MFAP3L: variants seen among roughly 807,000 people sequenced by gnomAD.
MFAP3L encodes microfibril associated protein 3 like.
In MFAP3L, 5 loss-of-function variants were observed where a neutral mutation model predicts 20.0. The observed-to-expected ratio is 0.25, with a 90% confidence interval of 0.13 to 0.53. MFAP3L has a LOEUF of 0.53. Ranked by LOEUF, MFAP3L falls within the 20% of genes least tolerant of loss-of-function variation. MFAP3L has a pLI of 0.96. For synonymous variants in MFAP3L, 219 were observed against 213.0 expected (o/e 1.03, Z -0.25); for missense variants, 409 against 527.5 (o/e 0.78, Z 2.20).
chr4:169,988,224 G>A lies in MFAP3L; in HGVS notation c.*3154C>T, dbSNP rs1317894129. 1 of 152,108 alleles carries A rather than the reference G, an allele frequency of 6.6e-6. No individual in the cohort carries two copies. Among genetic ancestry groups the A allele is most frequent in the African/African-American group, 2.4e-5 (1 of 41,408 alleles). 9.4% of individuals were successfully genotyped at this position (152,108 alleles called of 1,614,324 possible). On this transcript the variant is annotated 3_prime_UTR_variant, in exon 3 of 3. Coordinates refer to ENST00000361618, the MANE Select transcript of MFAP3L (RefSeq NM_021647.8). ...GGTATACAAAAAGATGAGGATAGAT[G>A]TGCCCTAGAGATATGAAAATATAAT... is the stretch of plus-strand genomic sequence containing the variant.
chr4:170,007,293 T>A (rs1247554042), intron 1 of MFAP3L, among the ~76,000 whole-genome samples: 3 of 152,180 alleles, frequency 2.0e-5, no homozygotes, highest in African/African-American at 7.2e-5. Flanking sequence ...CAGACTGCAA[T>A]GGCATGATAG....
chr4:169,993,712 C>G (rs569002011), intron 2 of MFAP3L: 5 of 152,056 alleles, frequency 3.3e-5, no homozygotes, highest in Admixed American at 2.6e-4. Context: ...GGGAGCCTCT[C>G]GGTGGATGCT....
At chr4:170,023,384 G>A (rs1192613972) in intron 1 of MFAP3L, among the ~76,000 whole-genome samples, 1 of 152,160 alleles carries the variant, frequency 6.6e-6, no homozygotes, top group Non-Finnish European at 1.5e-5. Flanking sequence ...GGAAGCAGAG[G>A]CAAGACCAAT....
chr4:170,006,112 A>C, intron 1 of MFAP3L, 102 bp from the exon 2 acceptor site: 17 of 877,952 alleles, frequency 1.9e-5, no homozygotes, highest in Admixed American at 3.7e-5. Context: ...AAACATCAAC[A>C]TACTTTTTTT....
chr4:170,017,512 A>G (rs1258768414), intron 1 of MFAP3L, among the ~76,000 whole-genome samples: 1 of 152,188 alleles, frequency 6.6e-6, no homozygotes, highest in Admixed American at 6.5e-5. Context: ...CCAAGCCACC[A>G]ACACTGCAGG....
At position 169,992,059 on chromosome 4, in the gene MFAP3L, C is replaced by T. The variant is rs1737748852; in HGVS notation, c.549G>A (p.Glu183=). Reference sequence around the variant, plus strand: ...TCCTAAAGAACTCATTGATGGCCTTCTCAGTCTTCTTTAGATGGCTGCTCA... The same window carrying T: ...TCCTAAAGAACTCATTGATGGCCTTTTCAGTCTTCTTTAGATGGCTGCTCA... ...CMMSSHLKKT[E]KAINEFFRTE... Residue 183 remains glutamate (E), a synonymous_variant, in exon 3 of 3, where the codon GAG becomes GAA. Transcript: ENST00000361618. The surrounding 1 kb of genome is among the most constrained non-coding windows in gnomAD (Gnocchi z 4.3). The T allele has an allele frequency of 3.1e-6, 5 of 1,614,040 alleles. No homozygotes were observed. The highest frequency in any genetic ancestry group is 1.6e-4 in the Middle Eastern group (1 of 6,084).
At chr4:170,020,710 A>G (rs1047942412) in intron 1 of MFAP3L, among the ~76,000 whole-genome samples, 1 of 143,994 alleles carries the variant, frequency 6.9e-6, no homozygotes, top group East Asian at 2.1e-4. Context: ...TCTTTCCTCA[A>G]CTCCCAGTAG....
Position 169,991,225 on chromosome 4 carries a change from C to A in MFAP3L, c.*153G>T. 1 of 770,500 alleles carries A rather than the reference C, an allele frequency of 1.3e-6. No homozygotes were observed. Among genetic ancestry groups the A allele is most frequent in the South Asian group, 1.9e-5 (1 of 53,728 alleles). 47.7% of individuals were successfully genotyped at this position (770,500 alleles called of 1,614,324 possible). On this transcript the variant is annotated 3_prime_UTR_variant, in exon 3 of 3. Transcript: ENST00000361618. The surrounding 1 kb of genome is among the most constrained non-coding windows in gnomAD (Gnocchi z 4.9). ...ACTGGGGAAATTCCAGTCCCATTCA[C>A]TGCAGGCAGGTGTTTCTCCTTTTAA... is the stretch of plus-strand genomic sequence containing the variant.
At chr4:170,009,716 A>T (rs1437149732) in intron 1 of MFAP3L, among the ~76,000 whole-genome samples, 1 of 152,060 alleles carries the variant, frequency 6.6e-6, no homozygotes, top group Admixed American at 6.6e-5. Flanking sequence ...CTTTATTTTG[A>T]CCCCTTCCCT....
intron 1 of MFAP3L, among the ~76,000 whole-genome samples, chr4:170,007,641 T>C (rs944436674): frequency 6.6e-6 from 1 of 152,244 alleles, no homozygotes; most frequent in Non-Finnish European, 1.5e-5. Flanking sequence ...AGCCAGATCT[T>C]GAGTTTTGCT....
At chr4:170,026,159 T>TCGGCCGCCGACC in intron 1 of MFAP3L, 75 bp downstream of exon 1, 1 of 896,960 alleles carries the variant, frequency 1.1e-6, no homozygotes, top group Non-Finnish European at 1.3e-6. Context: ...CGGCGCCGAC[T>TCGGCCGCCGACC]CGGCCGCCGA....
At position 169,991,768 on chromosome 4, in the gene MFAP3L, G is replaced by T; in HGVS notation, c.840C>A (p.Ala280=). ...TTGTGTAGACCTCATCCCTGTCTGC[G>T]GCCTCCTGGCCCTCTGGAGTATGCC... The part of the protein sequence containing the change: ...FVRHTPEGQE[A]ADRDEVYTIP... The change falls in exon 3 of 3, where the codon GCC becomes GCA. Residue 280 remains alanine, a synonymous_variant. Transcript: ENST00000361618. The surrounding 1 kb of genome is among the most constrained non-coding windows in gnomAD (Gnocchi z 4.9). 1 of 1,613,996 alleles carries T rather than the reference G, an allele frequency of 6.2e-7. No individual in the cohort carries two copies. The highest frequency in any genetic ancestry group is 2.2e-5 in the East Asian group (1 of 44,860).
rs1737823542 is a variant in MFAP3L, at chr4:169,992,776, C to A, written c.299-467G>T. On this transcript the variant is annotated intron_variant, in intron 2 of 2. Coordinates refer to ENST00000361618, the MANE Select transcript of MFAP3L (RefSeq NM_021647.8). This position sits in a 1 kb window ranked among gnomAD's most constrained non-coding sequence, Gnocchi z 4.3. ...TCTAACCTGCCAGTGAGCATGCCTC[C>A]ATTGAATATATGTTCACTGGGGAGG... 6.6e-6 allele frequency among the ~76,000 whole-genome samples: 1 copy of A among 152,224 alleles called. No individual in the cohort carries two copies. The highest frequency in any genetic ancestry group is 2.1e-4 in the South Asian group (1 of 4,834).
intron 1 of MFAP3L, among the ~76,000 whole-genome samples, chr4:170,007,680 T>C (rs1581497169): frequency 6.6e-6 from 1 of 152,338 alleles, no homozygotes; most frequent in East Asian, 1.9e-4. Context: ...TATAAATAAT[T>C]ATAAATGACT....
At chr4:170,008,315 C>G (rs6815551) in intron 1 of MFAP3L, among the ~76,000 whole-genome samples, 21,039 of 152,044 alleles carry the variant, frequency 0.14, 3,745 homozygotes, top group African/African-American at 0.41. Flanking sequence ...GTTTGTATCA[C>G]AGCGTTTTGC....
intron 2 of MFAP3L, among the ~76,000 whole-genome samples, chr4:170,003,042 C>T (rs1738779384): frequency 1.3e-5 from 2 of 152,176 alleles, no homozygotes; most frequent in South Asian, 2.1e-4. Context: ...AAGAATCTCT[C>T]GTTTCTGTTG....
chr4:170,023,554 A>G (rs745708610), intron 1 of MFAP3L, among the ~76,000 whole-genome samples: 15 of 152,218 alleles, frequency 9.9e-5, no homozygotes, highest in Non-Finnish European at 1.0e-4. Flanking sequence ...TGGCATTTTA[A>G]GGCCATTTCT....
upstream of MFAP3L, chr4:170,026,407 G>T: frequency 2.0e-6 from 1 of 509,530 alleles, no homozygotes; most frequent in Non-Finnish European, 2.5e-6. Context: ...CCGGGAGCGC[G>T]GAGCTTCCCA....
rs1258380518 is a variant in MFAP3L, at chr4:169,988,273, TTACA to T, written c.*3101_*3104del. ...ATATATAAAACAAAACCATTATAAA[TTACA>T]TAGATTTTTCCATATAAAATTGTTT... is the stretch of plus-strand genomic sequence containing the variant. On this transcript the variant is annotated 3_prime_UTR_variant, in exon 3 of 3. Transcript: ENST00000361618. 1 of 152,182 alleles carries T rather than the reference TTACA, an allele frequency of 6.6e-6. No homozygotes were observed. Among genetic ancestry groups the T allele is most frequent in the Admixed American group, 6.5e-5 (1 of 15,276 alleles). 9.4% of individuals were successfully genotyped at this position (152,182 alleles called of 1,614,324 possible).
Sources: allele counts gnomAD v4.1 joint callset (sites outside exome capture counted in the v4.1 genomes callset), GRCh38; gene constraint gnomAD v4.1.1; non-coding constraint Gnocchi (gnomAD v3.1); transcripts MANE v1.5; gene names NCBI Gene and HGNC (gene_info 2026-07-23, HGNC 2026-07-21).